SZT2: variants seen among roughly 807,000 people sequenced by gnomAD.
The protein encoded by SZT2 is KICSTOR complex protein SZT2.
SZT2 carries 216 observed loss-of-function variants against 404.2 expected under a neutral mutation model. That is an observed-to-expected ratio of 0.53 (90% CI 0.48 to 0.60). The LOEUF (loss-of-function observed/expected upper bound fraction) is 0.60. Ranked by LOEUF, SZT2 falls within the 20% of genes least tolerant of loss-of-function variation. The probability of loss-of-function intolerance (pLI) is 0.00; values close to 1 mark genes in which losing one functional copy is unlikely to be tolerated. For missense variants in SZT2, 3,857 were observed against 4,459.2 expected, an observed-to-expected ratio of 0.86 and a Z score of 3.85; for synonymous variants, 1,693 against 1,749.9, an observed-to-expected ratio of 0.97 and a Z score of 0.81.
At position 43,430,765 on chromosome 1, in the gene SZT2, G is replaced by A; in HGVS notation, c.4750G>A (p.Val1584Met). 1.2e-6 allele frequency: 2 copies of A among 1,610,634 alleles called. No individual in the cohort carries two copies. The highest frequency in any genetic ancestry group is 1.7e-6 in the Non-Finnish European group (2 of 1,178,770). Residue 1584 changes from valine (V) to methionine (M), a missense_variant, in exon 32 of 72, where the codon GTG becomes ATG. Physicochemically the swap from Val to Met is conservative, Grantham distance 21 (BLOSUM62 1). Around this residue, in one of 7 missense-constraint regions of SZT2, gnomAD observed 1,725 missense variants for 1,881.0 expected, o/e 0.92. Coordinates refer to ENST00000634258, the MANE Select transcript of SZT2 (RefSeq NM_001365999.1). ...ACGTGGGCAGCACAGCTCAGTACCT[G>A]TGTGCAGCCTGCCTACCTGCCTGGG... ...RLRGQHSSVP[V>M]CSLPTCLGQV...
chr1:43,450,268 C>A lies in SZT2; in HGVS notation c.10156-69C>A. 2 of 1,613,722 alleles carry A rather than the reference C, an allele frequency of 1.2e-6. No individual in the cohort carries two copies. The highest frequency in any genetic ancestry group is 1.7e-6 in the Non-Finnish European group (2 of 1,179,656). On this transcript the variant is annotated intron_variant, in intron 71 of 71. Coordinates refer to ENST00000634258, the MANE Select transcript of SZT2 (RefSeq NM_001365999.1). This position sits in a 1 kb window ranked among gnomAD's most constrained non-coding sequence, Gnocchi z 4.3. ...GCTGAGGTTGGGGTGCCCACCCTTT[C>A]TGAGCCCTGCCTCCTATCCCCACCC...
At chr1:43,422,734 CCTTGGGCTGCTCA>C (rs1652553647) in intron 13 of SZT2, 22 bp from the exon 14 acceptor site, 1 of 1,522,846 alleles carries the variant, frequency 6.6e-7, no homozygotes, top group South Asian at 1.2e-5. Context: ...TTCCTGCCAA[CCTTGGGCTGCTCA>C]CTGACTCCCA....
Position 43,447,159 on chromosome 1 carries a change from A to G in SZT2, c.9277A>G (p.Ile3093Val). 6.2e-7 allele frequency: 1 copy of G among 1,611,748 alleles called. No individual in the cohort carries two copies. The highest frequency in any genetic ancestry group is 8.5e-7 in the Non-Finnish European group (1 of 1,179,546). ...CGGACCCCACTTTGGCCGCAATCAC[A>G]TTTACCAAGGTCAGTGCCCAAGGGC... is the stretch of plus-strand genomic sequence containing the variant. Reference protein sequence around the residue: ...PDGPHFGRNHIYQGTLELPTP... With the variant: ...PDGPHFGRNHVYQGTLELPTP... Residue 3093 changes from isoleucine (I) to valine (V), a missense_variant, in exon 66 of 72, where the codon ATT becomes GTT. Coordinates refer to ENST00000634258, the MANE Select transcript of SZT2 (RefSeq NM_001365999.1).
In SZT2 at chr1:43,424,727, T is replaced by A; in HGVS notation, c.2472-57T>A. On this transcript the variant is annotated intron_variant, in intron 16 of 71. Coordinates refer to ENST00000634258, the MANE Select transcript of SZT2 (RefSeq NM_001365999.1). This position sits in a 1 kb window ranked among gnomAD's most constrained non-coding sequence, Gnocchi z 4.1. ...GGGTGTATGTGGGGAGAGCTTGTAGTCTCAGTGTCTCTTCTTCCCTTATCC... is the reference window on the plus strand; with the variant it reads ...GGGTGTATGTGGGGAGAGCTTGTAGACTCAGTGTCTCTTCTTCCCTTATCC... 1 of 1,455,238 alleles carries A rather than the reference T, an allele frequency of 6.9e-7. No individual in the cohort carries two copies. Among genetic ancestry groups the A allele is most frequent in the Non-Finnish European group, 9.6e-7 (1 of 1,038,914 alleles). The allele number at this position is 1,455,238 out of a possible 1,614,324, so 90.1% of individuals were successfully genotyped here.
At position 43,450,593 on chromosome 1, in the gene SZT2, TG is replaced by T. The variant is rs1309269368; in HGVS notation, c.*114del. 4 of 1,453,924 alleles carry T rather than the reference TG, an allele frequency of 2.8e-6. No individual in the cohort carries two copies. The African/African-American group carries it at 5.6e-5, about 20-fold the overall frequency. The allele number at this position is 1,453,924 out of a possible 1,614,324, so 90.1% of individuals were successfully genotyped here. On this transcript the variant is annotated 3_prime_UTR_variant, in exon 72 of 72. Coordinates refer to ENST00000634258, the MANE Select transcript of SZT2 (RefSeq NM_001365999.1). The surrounding 1 kb of genome is among the most constrained non-coding windows in gnomAD (Gnocchi z 4.3). ...CTGGGCCCCAGGGCAAGCCAGACACTGAGTGACACCAAAGGCTTTGTAACTA... is the reference window on the plus strand; with the variant it reads ...CTGGGCCCCAGGGCAAGCCAGACACTAGTGACACCAAAGGCTTTGTAACTA...
In SZT2 at chr1:43,450,057, G is replaced by A. The variant is rs777336006; in HGVS notation, c.10087-46G>A. On this transcript the variant is annotated intron_variant, in intron 70 of 71. Coordinates refer to ENST00000634258, the MANE Select transcript of SZT2 (RefSeq NM_001365999.1). This position sits in a 1 kb window ranked among gnomAD's most constrained non-coding sequence, Gnocchi z 4.3. ...CTCCCTTCACCTCAGGATGCCCTGT[G>A]GGAGGGTCTGTAGGGTCTGTGTCCC... 10 of 1,609,816 alleles carry A rather than the reference G, an allele frequency of 6.2e-6. No individual in the cohort carries two copies. In the African/African-American group the frequency reaches 8.0e-5, roughly 13 times the overall value.
In SZT2 at chr1:43,453,596, C is replaced by A; in HGVS notation, c.*3116C>A. ...CAGCCCTCCCGGCCCGCGACGCACC[C>A]GGGGGCGTGTTGATCAGTACAAGCC... On this transcript the variant is annotated 3_prime_UTR_variant, in exon 72 of 72. Transcript: ENST00000634258. 1 of 1,524,452 alleles carries A rather than the reference C, an allele frequency of 6.6e-7. No individual in the cohort carries two copies. The highest frequency in any genetic ancestry group is 1.4e-5 in the African/African-American group (1 of 72,260). 94.4% of individuals were successfully genotyped at this position (1,524,452 alleles called of 1,614,324 possible). A position where few individuals can be genotyped will look rare whatever the true frequency, so the allele number is the denominator to read the frequency against.
At chr1:43,428,822 A>G in intron 28 of SZT2, 1 of 269,350 alleles carries the variant, frequency 3.7e-6, no homozygotes, top group South Asian at 6.2e-5. Flanking sequence ...CCAATCTGTG[A>G]ATTTCATGGG....
At chr1:43,443,516 AC>A (rs1655315138) in intron 61 of SZT2, 39 bp downstream of exon 61, 1 of 1,613,490 alleles carries the variant, frequency 6.2e-7, no homozygotes, top group South Asian at 1.1e-5. Context: ...ACCTTTGCTT[AC>A]CCCACAGTGA....
chr1:43,409,671 TAG>T, intron 4 of SZT2: 1 of 171,080 alleles, frequency 5.8e-6, no homozygotes, highest in Non-Finnish European at 1.3e-5. Context: ...CCATTTACGA[TAG>T]TTTAAAATAA....
Position 43,424,498 on chromosome 1 carries a change from G to A in SZT2, c.2471+66G>A. The A allele has an allele frequency of 6.6e-7, 1 of 1,505,532 alleles. No individual in the cohort carries two copies. The highest frequency in any genetic ancestry group is 1.7e-5 in the Admixed American group (1 of 57,698). The allele number at this position is 1,505,532 out of a possible 1,614,324, so 93.3% of individuals were successfully genotyped here. ...AGAGCAAGTGTAGACTGGGACACTAGCAAAAAGCCTATAGCACACACTTCT... is the reference window on the plus strand; with the variant it reads ...AGAGCAAGTGTAGACTGGGACACTAACAAAAAGCCTATAGCACACACTTCT... On this transcript the variant is annotated intron_variant, in intron 16 of 71. Transcript: ENST00000634258. The surrounding 1 kb of genome is among the most constrained non-coding windows in gnomAD (Gnocchi z 4.1).
At position 43,453,866 on chromosome 1, in the gene SZT2, G is replaced by C. The variant is rs1656752942; in HGVS notation, c.*3386G>C. The C allele has an allele frequency of 1.6e-6, 2 of 1,228,968 alleles. No individual in the cohort carries two copies. The highest frequency in any genetic ancestry group is 2.0e-6 in the Non-Finnish European group (2 of 986,904). The allele number at this position is 1,228,968 out of a possible 1,614,324, so 76.1% of individuals were successfully genotyped here. On this transcript the variant is annotated 3_prime_UTR_variant, in exon 72 of 72. Coordinates refer to ENST00000634258, the MANE Select transcript of SZT2 (RefSeq NM_001365999.1). ...GGGCGGCGGGCGGCGGGCGGCGGGC[G>C]GGGGCGGGGCTCTCCTTGCTGGCCC... is the stretch of plus-strand genomic sequence containing the variant.
chr1:43,398,864 A>C (rs1476494059), intron 1 of SZT2, among the ~76,000 whole-genome samples: 1 of 152,094 alleles, frequency 6.6e-6, no homozygotes, highest in South Asian at 2.1e-4. Context: ...GGCAGATCAC[A>C]AGGTCAGGAG....
At chr1:43,414,333 A>G (rs1011236659) in intron 4 of SZT2, among the ~76,000 whole-genome samples, 3 of 152,186 alleles carry the variant, frequency 2.0e-5, no homozygotes, top group South Asian at 2.1e-4. Flanking sequence ...CCCATTTACC[A>G]TGATTTAATT....
Position 43,428,502 on chromosome 1 carries a change from G to C in SZT2, c.4166+16G>C. The C allele has an allele frequency of 6.2e-7, 1 of 1,610,754 alleles. No individual in the cohort carries two copies. Among genetic ancestry groups the C allele is most frequent in the Non-Finnish European group, 8.5e-7 (1 of 1,179,458 alleles). On this transcript the variant is annotated intron_variant, in intron 28 of 71. Transcript: ENST00000634258. ...CTGAATCCAGGTTAGGATTATACTT[G>C]AATGATGGATAAGGGGGTACACAGA... is the stretch of plus-strand genomic sequence containing the variant.
In SZT2 at chr1:43,453,362, T is replaced by TGG; in HGVS notation, c.*2886_*2887dup. On this transcript the variant is annotated 3_prime_UTR_variant, in exon 72 of 72. Coordinates refer to ENST00000634258, the MANE Select transcript of SZT2 (RefSeq NM_001365999.1). ...GCATCAGGGTCATGGGTCACAGGGG[T>TGG]GGGGGTGGGGTGGAGCGGGGTACCT... 1.1e-6 allele frequency: 1 copy of TGG among 877,788 alleles called. No homozygotes were observed. The highest frequency in any genetic ancestry group is 1.4e-6 in the Non-Finnish European group (1 of 718,702). 54.4% of individuals were successfully genotyped at this position (877,788 alleles called of 1,614,324 possible).
intron 3 of SZT2, 30 bp from the exon 4 acceptor site, chr1:43,404,350 C>T (rs777574536): frequency 1.3e-5 from 20 of 1,591,958 alleles, no homozygotes; most frequent in Non-Finnish European, 1.7e-5. Flanking sequence ...TGCCTTTGGA[C>T]CCCCTTGAGT....
In SZT2 at chr1:43,454,191, C is replaced by T. The variant is rs1156708178; in HGVS notation, c.*3711C>T. 3 of 260,116 alleles carry T rather than the reference C, an allele frequency of 1.2e-5. No homozygotes were observed. The highest frequency in any genetic ancestry group is 1.8e-5 in the Non-Finnish European group (3 of 164,074). The allele number at this position is 260,116 out of a possible 1,614,324, so 16.1% of individuals were successfully genotyped here. Reference sequence around the variant, plus strand: ...TCTGATTATAAAAATGCTATCTGTTCGTTAAGCAACATTTGAAAGCTGTAT... The same window carrying T: ...TCTGATTATAAAAATGCTATCTGTTTGTTAAGCAACATTTGAAAGCTGTAT... On this transcript the variant is annotated 3_prime_UTR_variant, in exon 72 of 72. Transcript: ENST00000634258.
Position 43,423,331 on chromosome 1 carries a change from G to A in SZT2, c.2255+15G>A. On this transcript the variant is annotated intron_variant, in intron 15 of 71. Transcript: ENST00000634258. ...CTGCTCATCAGGTTGGTACAGAGGT[G>A]TGGAAGGGCGTGGCTTAGCAGGGTA... 1.3e-6 allele frequency: 2 copies of A among 1,520,060 alleles called. No homozygotes were observed. Among genetic ancestry groups the A allele is most frequent in the Non-Finnish European group, 1.7e-6 (2 of 1,143,532 alleles). 94.2% of individuals were successfully genotyped at this position (1,520,060 alleles called of 1,614,324 possible).
Sources: gnomAD v4.1 joint callset for allele counts (sites outside exome capture counted in the v4.1 genomes callset) on GRCh38, gnomAD v4.1.1 for gene constraint, gnomAD v4.1.1 regional missense constraint, Gnocchi (gnomAD v3.1) non-coding constraint, MANE v1.5 for transcripts, NCBI Gene and HGNC (gene_info 2026-07-23, HGNC 2026-07-21) for gene names.